The following KCNN2 variants were observed in gnomAD, a reference collection of about 807,000 sequenced individuals.
KCNN2 encodes the protein potassium calcium-activated channel subfamily N member 2.
In KCNN2, 24 loss-of-function variants were observed where a neutral mutation model predicts 55.5. The observed-to-expected ratio is 0.43, with a 90% CI of 0.31 to 0.61. The LOEUF (loss-of-function observed/expected upper bound fraction) is 0.61, where lower values mean the gene tolerates loss of function less well. Ranked by LOEUF, KCNN2 falls within the 20% of genes least tolerant of loss-of-function variation. The probability of loss-of-function intolerance (pLI) is 0.08; values close to 1 mark genes in which losing one functional copy is unlikely to be tolerated. For synonymous variants in KCNN2, 431 were observed against 336.1 expected (o/e 1.28, Z -3.09); for missense variants, 754 against 853.6 (o/e 0.88, Z 1.45).
At chr5:114,435,883 T>TA (rs1047532857) in intron 3 of KCNN2, among the ~76,000 whole-genome samples, 3 of 152,224 alleles carry the variant, frequency 2.0e-5, no homozygotes, top group Non-Finnish European at 4.4e-5. Flanking sequence ...CACAATTCCT[T>TA]AAGTAGATAA....
intron 2 of KCNN2, among the ~76,000 whole-genome samples, chr5:114,303,080 C>T (rs1230973720): frequency 6.6e-6 from 1 of 152,230 alleles, no homozygotes; most frequent in Non-Finnish European, 1.5e-5. Context: ...ATTTGGCATT[C>T]TGGCCATTGA....
At chr5:114,192,282 G>A (rs1302651990) in intron 1 of KCNN2, among the ~76,000 whole-genome samples, 1 of 152,126 alleles carries the variant, frequency 6.6e-6, no homozygotes, top group East Asian at 1.9e-4. Flanking sequence ...TTATGCTTCA[G>A]TGACACATGA....
Position 114,238,247 on chromosome 5 carries a change from C to A in KCNN2, c.-185+16682C>A, listed in dbSNP as rs895712125. Among the ~76,000 whole-genome samples, 6 of 152,090 alleles carry A rather than the reference C, an allele frequency of 3.9e-5. 1 individual carries two copies. The highest frequency in any genetic ancestry group is 1.4e-4 in the African/African-American group (6 of 41,418). ...CTTTTCAAAAGATTTCCATTGTGGT[C>A]TTTTTGTTTATTTTCTAGAAAATAT... is the stretch of plus-strand genomic sequence containing the variant. On this transcript the variant is annotated intron_variant, in intron 2 of 10. Coordinates refer to the KCNN2 transcript ENST00000512097.
intron 2 of KCNN2, among the ~76,000 whole-genome samples, chr5:114,296,489 T>C (rs115506794): frequency 9.3e-4 from 141 of 152,368 alleles, no homozygotes; most frequent in African/African-American, 3.3e-3. Context: ...TAATTAGTAT[T>C]TGTGAAACAC....
At chr5:114,330,284 G>C (rs1439809558) in intron 2 of KCNN2, among the ~76,000 whole-genome samples, 1 of 152,138 alleles carries the variant, frequency 6.6e-6, no homozygotes, top group Non-Finnish European at 1.5e-5. Flanking sequence ...TCTGTCCTCA[G>C]GTACTTCCTA....
At chr5:114,120,807 G>T (rs749147316) in intron 1 of KCNN2, among the ~76,000 whole-genome samples, 26 of 152,216 alleles carry the variant, frequency 1.7e-4, no homozygotes, top group Middle Eastern at 3.4e-3. Context: ...CCATTTTGTG[G>T]AGTGTCAAGA....
At chr5:114,364,882 T>A (rs541026804) in intron 2 of KCNN2, among the ~76,000 whole-genome samples, 2 of 151,976 alleles carry the variant, frequency 1.3e-5, no homozygotes, top group Admixed American at 6.5e-5. Flanking sequence ...GAATTTGCAC[T>A]ATGTATTTTC....
At chr5:114,208,107 T>G (rs1380009080) in intron 1 of KCNN2, among the ~76,000 whole-genome samples, 1 of 152,156 alleles carries the variant, frequency 6.6e-6, no homozygotes, top group Non-Finnish European at 1.5e-5. Flanking sequence ...AACACAAGAA[T>G]GAATTCACAA....
At chr5:114,209,709 C>G (rs1374523419) in intron 1 of KCNN2, among the ~76,000 whole-genome samples, 1 of 152,066 alleles carries the variant, frequency 6.6e-6, no homozygotes, top group African/African-American at 2.4e-5. Context: ...ATCCAGGATT[C>G]CAAAAAAGCT....
intron 1 of KCNN2, among the ~76,000 whole-genome samples, chr5:114,118,045 C>T (rs1751744966): frequency 6.6e-6 from 1 of 152,092 alleles, no homozygotes; most frequent in South Asian, 2.1e-4. Flanking sequence ...TTGCCATCAC[C>T]AAGAGTTTGT....
chr5:114,344,592 C>T (rs962576592), intron 2 of KCNN2, among the ~76,000 whole-genome samples: 6 of 152,186 alleles, frequency 3.9e-5, no homozygotes, highest in East Asian at 1.9e-4. Flanking sequence ...GCCCCCTTCC[C>T]AGGAGTCAGC....
At chr5:114,407,589 T>C (rs1282445258) in intron 3 of KCNN2, among the ~76,000 whole-genome samples, 1 of 152,216 alleles carries the variant, frequency 6.6e-6, no homozygotes, top group African/African-American at 2.4e-5. Context: ...ACTTCAAATT[T>C]GTCAGCTGCA....
intron 2 of KCNN2, among the ~76,000 whole-genome samples, chr5:114,225,220 C>A (rs996508375): frequency 6.6e-6 from 1 of 152,070 alleles, no homozygotes; most frequent in Non-Finnish European, 1.5e-5. Context: ...TTAAAGATCT[C>A]ATTAATTAAT....
intron 2 of KCNN2, among the ~76,000 whole-genome samples, chr5:114,344,749 G>A (rs769189087): frequency 3.9e-5 from 6 of 152,170 alleles, no homozygotes; most frequent in Non-Finnish European, 7.3e-5. Flanking sequence ...TGGAGCCAAG[G>A]ACAAAGGCCA....
intron 2 of KCNN2, among the ~76,000 whole-genome samples, chr5:114,223,007 G>T (rs1335969397): frequency 6.6e-6 from 1 of 152,104 alleles, no homozygotes; most frequent in Admixed American, 6.5e-5. Flanking sequence ...CTTTCATGCT[G>T]TCCATCTTTC....
At chr5:114,076,870 T>C (rs917263611) in intron 1 of KCNN2, among the ~76,000 whole-genome samples, 1 of 152,030 alleles carries the variant, frequency 6.6e-6, no homozygotes, top group Admixed American at 6.5e-5. Context: ...ATTTTTTGTA[T>C]TTTTAGTAGA....
At chr5:114,271,509 TA>T (rs1755334275) in intron 2 of KCNN2, among the ~76,000 whole-genome samples, 2 of 152,074 alleles carry the variant, frequency 1.3e-5, no homozygotes, top group South Asian at 4.1e-4. Context: ...AAGAAGAAAG[TA>T]AAAAATACAA....
intron 2 of KCNN2, among the ~76,000 whole-genome samples, chr5:114,248,954 A>G (rs1284351908): frequency 6.6e-6 from 1 of 152,222 alleles, no homozygotes; most frequent in African/African-American, 2.4e-5. Flanking sequence ...ATGCCATGAC[A>G]GCAGGTGAAA....
At chr5:114,248,102 C>T (rs1754782757) in intron 2 of KCNN2, among the ~76,000 whole-genome samples, 1 of 152,156 alleles carries the variant, frequency 6.6e-6, no homozygotes, top group Non-Finnish European at 1.5e-5. Flanking sequence ...TCATGTCGAC[C>T]TACTTGAAGT....
Sources: gnomAD v4.1 joint callset for allele counts (sites outside exome capture counted in the v4.1 genomes callset) on GRCh38, gnomAD v4.1.1 for gene constraint, MANE v1.5 for transcripts, NCBI Gene and HGNC (gene_info 2026-07-23, HGNC 2026-07-21) for gene names.